DLGAP2: variants seen among roughly 807,000 people sequenced by gnomAD.
DLGAP2 encodes DLG associated protein 2.
DLGAP2 carries 26 observed loss-of-function variants against 100.3 expected under a neutral mutation model. That is an observed-to-expected ratio of 0.26 (90% CI 0.19 to 0.36). DLGAP2 has a LOEUF of 0.36. Among genes scored for constraint, DLGAP2 ranks in the 10% least tolerant of loss-of-function variants. The probability of loss-of-function intolerance (pLI) is 1.00; values close to 1 mark genes in which losing one functional copy is unlikely to be tolerated. For synonymous variants in DLGAP2, 886 were observed against 630.1 expected (o/e 1.41, Z -6.08); for missense variants, 1,858 against 1,453.2 (o/e 1.28, Z -4.53).
At chr8:1,349,022 G>A (rs1801638973) in intron 3 of DLGAP2, among the ~76,000 whole-genome samples, 2 of 151,860 alleles carry the variant, frequency 1.3e-5, no homozygotes, top group Non-Finnish European at 2.9e-5. Flanking sequence ...AACTCATGGT[G>A]AGATAAATTA....
At chr8:1,332,255 T>C (rs1801174211) in intron 3 of DLGAP2, among the ~76,000 whole-genome samples, 1 of 152,220 alleles carries the variant, frequency 6.6e-6, no homozygotes, top group African/African-American at 2.4e-5. Flanking sequence ...TATATGCATG[T>C]GTATATGTGT....
chr8:1,544,733 G>T (rs552436354), intron 4 of DLGAP2, among the ~76,000 whole-genome samples: 5 of 129,866 alleles, frequency 3.9e-5, no homozygotes, highest in African/African-American at 1.5e-4. Flanking sequence ...GTATTTTTGA[G>T]GATTTTTTTT....
intron 3 of DLGAP2, among the ~76,000 whole-genome samples, chr8:1,328,144 A>G (rs1299566705): frequency 1.3e-5 from 2 of 151,970 alleles, no homozygotes; most frequent in African/African-American, 4.8e-5. Flanking sequence ...GGTTCAAGCT[A>G]TTCTCCTGCC....
At chr8:1,125,495 A>C (rs1796143990) in intron 2 of DLGAP2, among the ~76,000 whole-genome samples, 1 of 152,260 alleles carries the variant, frequency 6.6e-6, no homozygotes, top group African/African-American at 2.4e-5. Context: ...TTTGAATGCC[A>C]TATAACCACT....
intron 2 of DLGAP2, among the ~76,000 whole-genome samples, chr8:1,174,646 G>A (rs768428303): frequency 3.4e-5 from 5 of 148,486 alleles, no homozygotes; most frequent in African/African-American, 7.5e-5. Context: ...CATCATCGTC[G>A]TCTTTACCAT....
intron 1 of DLGAP2, among the ~76,000 whole-genome samples, chr8:858,301 C>T (rs373185712): frequency 2.0e-5 from 3 of 152,370 alleles, no homozygotes; most frequent in Non-Finnish European, 4.4e-5. Context: ...CGTAAATGCA[C>T]GTGACTACGT....
chr8:1,489,740 A>G (rs188959996), intron 3 of DLGAP2, among the ~76,000 whole-genome samples: 3 of 152,344 alleles, frequency 2.0e-5, no homozygotes, highest in East Asian at 3.9e-4. Context: ...AACTCAGATC[A>G]CAAACCGCAT....
chr8:1,317,543 T>C, intron 3 of DLGAP2, among the ~76,000 whole-genome samples: 1 of 136,448 alleles, frequency 7.3e-6, no homozygotes, highest in Non-Finnish European at 1.6e-5. Context: ...GAGTGCAGCG[T>C]GTCTCCAACA....
intron 3 of DLGAP2, among the ~76,000 whole-genome samples, chr8:1,298,328 G>A (rs1016354241): frequency 1.2e-4 from 18 of 152,260 alleles, no homozygotes; most frequent in African/African-American, 2.9e-4. Context: ...CTGGTCTGTC[G>A]TCCTGCAGCC....
chr8:998,012 C>T (rs1800833696), intron 2 of DLGAP2, among the ~76,000 whole-genome samples: 1 of 150,042 alleles, frequency 6.7e-6, no homozygotes, highest in African/African-American at 2.4e-5. Context: ...CATGCATAGA[C>T]ATGCACACAA....
chr8:1,003,949 G>C (rs1801034537), intron 2 of DLGAP2, among the ~76,000 whole-genome samples: 1 of 152,134 alleles, frequency 6.6e-6, no homozygotes, highest in African/African-American at 2.4e-5. Context: ...CCTCCCAAAA[G>C]ATTGTAAATT....
At chr8:1,161,916 T>C (rs986072154) in intron 2 of DLGAP2, among the ~76,000 whole-genome samples, 7 of 152,308 alleles carry the variant, frequency 4.6e-5, no homozygotes, top group Admixed American at 2.6e-4. Flanking sequence ...CTTGGGGCTT[T>C]AGGTATAGAG....
intron 3 of DLGAP2, among the ~76,000 whole-genome samples, chr8:1,392,765 G>A (rs1019103926): frequency 6.6e-6 from 1 of 151,454 alleles, no homozygotes; most frequent in Non-Finnish European, 1.5e-5. Flanking sequence ...GATGCTCATG[G>A]GCTGTGTTCT....
chr8:1,388,219 G>A lies in DLGAP2; in HGVS notation c.107-113147G>A, dbSNP rs867852207. Reference sequence around the variant, plus strand: ...AGGCAGAGACCGTGGATGAGGAGGCGCTGGTTCAGGTGTCAGGGCTGTAAG... The same window carrying A: ...AGGCAGAGACCGTGGATGAGGAGGCACTGGTTCAGGTGTCAGGGCTGTAAG... On this transcript the variant is annotated intron_variant, in intron 3 of 14. Transcript: ENST00000637795. Among the ~76,000 whole-genome samples, 8 of 122,290 alleles carry A rather than the reference G, an allele frequency of 6.5e-5. 1 individual carries two copies. Among genetic ancestry groups the A allele is most frequent in the South Asian group, 3.0e-4 (1 of 3,286 alleles). The allele number at this position is 122,290 out of a possible 152,430, so 80.2% of individuals were successfully genotyped here. A position where few individuals can be genotyped will look rare whatever the true frequency, so the allele number is the denominator to read the frequency against.
intron 12 of DLGAP2, chr8:1,688,365 C>T (rs1214087831): frequency 1.3e-5 from 2 of 152,234 alleles, no homozygotes; most frequent in Non-Finnish European, 2.9e-5. Context: ...TCCTTCTTTT[C>T]AAGACAGAAA....
At chr8:1,581,586 T>C (rs762563531) in intron 6 of DLGAP2, among the ~76,000 whole-genome samples, 2 of 141,464 alleles carry the variant, frequency 1.4e-5, no homozygotes, top group Non-Finnish European at 3.0e-5. Context: ...CCCACACATA[T>C]ACACACACCA....
At chr8:1,628,007 G>T (rs902331271) in intron 7 of DLGAP2, among the ~76,000 whole-genome samples, 1 of 127,526 alleles carries the variant, frequency 7.8e-6, no homozygotes, top group African/African-American at 3.5e-5. Flanking sequence ...AGCTTGAGCC[G>T]ACCTCACATT....
At chr8:1,207,202 C>T (rs1017933404) in intron 2 of DLGAP2, among the ~76,000 whole-genome samples, 6 of 152,188 alleles carry the variant, frequency 3.9e-5, no homozygotes. Context: ...GTACACTGTA[C>T]CCAACGTGTA....
intron 8 of DLGAP2, among the ~76,000 whole-genome samples, chr8:1,656,779 A>G (rs945819369): frequency 2.0e-5 from 3 of 152,164 alleles, no homozygotes; most frequent in African/African-American, 7.2e-5. Context: ...AGTGTGATTA[A>G]CCTTTTCTTC....
Sources: gnomAD v4.1 joint callset for allele counts (sites outside exome capture counted in the v4.1 genomes callset) on GRCh38, gnomAD v4.1.1 for gene constraint, MANE v1.5 for transcripts, NCBI Gene and HGNC (gene_info 2026-07-23, HGNC 2026-07-21) for gene names.